SDK1: variants seen among roughly 807,000 people sequenced by gnomAD.
SDK1 encodes sidekick cell adhesion molecule 1, also known as protein sidekick-1.
A neutral mutation model predicts 245.5 loss-of-function variants in SDK1; 157 were observed. The observed-to-expected ratio is 0.64, with a 90% CI of 0.56 to 0.73. SDK1 has a LOEUF of 0.73. Ranked by LOEUF, SDK1 falls within the 30% of genes least tolerant of loss-of-function variation. The pLI, the probability that SDK1 is intolerant of heterozygous loss-of-function variation, is 0.00. For missense variants in SDK1, 3,583 were observed against 3,002.3 expected (o/e 1.19, Z -4.52); for synonymous variants, 1,647 against 1,278.5 (o/e 1.29, Z -6.15).
chr7:3,705,784 TC>T lies in SDK1; in HGVS notation c.713+63681del, dbSNP rs1261268111. On this transcript the variant is annotated intron_variant, in intron 4 of 44. Coordinates refer to ENST00000404826, the MANE Select transcript of SDK1 (RefSeq NM_152744.4). ...TTGCCTGATTCCTCTGGCTAGGACTTCCAGTACTGTGTTGAATAGAAGTGGT... is the reference window on the plus strand; with the variant it reads ...TTGCCTGATTCCTCTGGCTAGGACTTCAGTACTGTGTTGAATAGAAGTGGT... 7.9e-5 allele frequency among the ~76,000 whole-genome samples: 12 copies of T among 152,236 alleles called. 1 individual carries two copies. The South Asian group carries it at 1.9e-3, about 24-fold the overall frequency.
intron 5 of SDK1, among the ~76,000 whole-genome samples, chr7:3,912,740 G>C (rs1215267313): frequency 1.3e-5 from 2 of 152,224 alleles, no homozygotes; most frequent in South Asian, 4.1e-4. Context: ...TCTGGCCCGT[G>C]GGGGCTCAAG....
At chr7:3,306,556 A>T (rs772689417) in intron 1 of SDK1, among the ~76,000 whole-genome samples, 1 of 152,190 alleles carries the variant, frequency 6.6e-6, no homozygotes, top group African/African-American at 2.4e-5. Flanking sequence ...CATTTTATGT[A>T]AACAGTTAAG....
intron 42 of SDK1, among the ~76,000 whole-genome samples, chr7:4,238,840 G>T (rs151055842): frequency 6.6e-6 from 1 of 151,304 alleles, no homozygotes; most frequent in Non-Finnish European, 1.5e-5. Context: ...GAGCCACCGC[G>T]CCCTGCCGAG....
intron 5 of SDK1, among the ~76,000 whole-genome samples, chr7:3,858,693 G>T (rs1188761181): frequency 2.0e-5 from 3 of 151,636 alleles, no homozygotes; most frequent in Non-Finnish European, 2.9e-5. Context: ...AGCTTTAAAA[G>T]TAAGCAAAAA....
At chr7:4,045,361 G>C (rs548140175) in intron 17 of SDK1, among the ~76,000 whole-genome samples, 4 of 152,164 alleles carry the variant, frequency 2.6e-5, no homozygotes, top group African/African-American at 9.6e-5. Context: ...CCCCATCTCA[G>C]CCTCCCAAGT....
chr7:3,306,558 A>G (rs35754502), intron 1 of SDK1, among the ~76,000 whole-genome samples: 1 of 152,286 alleles, frequency 6.6e-6, no homozygotes, highest in South Asian at 2.1e-4. Context: ...TTTTATGTAA[A>G]CAGTTAAGTT....
At chr7:3,861,122 A>AC (rs58079288) in intron 5 of SDK1, among the ~76,000 whole-genome samples, 2,644 of 152,306 alleles carry the variant, frequency 0.017, 72 homozygotes, top group African/African-American at 0.061. Flanking sequence ...ATAGTTGCAC[A>AC]TGATCACAGG....
At chr7:3,474,336 C>T (rs1173549256) in intron 1 of SDK1, among the ~76,000 whole-genome samples, 3 of 151,670 alleles carry the variant, frequency 2.0e-5, no homozygotes, top group South Asian at 2.1e-4. Context: ...CCTCGTTGTC[C>T]GCCTGCCTCA....
intron 22 of SDK1, among the ~76,000 whole-genome samples, chr7:4,107,198 A>T (rs1035671861): frequency 2.7e-5 from 4 of 150,382 alleles, no homozygotes; most frequent in African/African-American, 9.7e-5. Flanking sequence ...GGAGACCTGG[A>T]GTCGCTTAGC....
intron 8 of SDK1, among the ~76,000 whole-genome samples, chr7:3,961,598 A>G (rs1486805018): frequency 5.3e-5 from 8 of 152,188 alleles, no homozygotes; most frequent in South Asian, 2.1e-4. Flanking sequence ...TGTATCCACA[A>G]TGGAATACCT....
intron 4 of SDK1, among the ~76,000 whole-genome samples, chr7:3,680,302 C>A (rs1784059968): frequency 6.6e-6 from 1 of 152,078 alleles, no homozygotes; most frequent in African/African-American, 2.4e-5. Context: ...CGTAGGAGAG[C>A]TTGAGAGGGG....
chr7:3,699,813 T>C (rs1348035933), intron 4 of SDK1, among the ~76,000 whole-genome samples: 1 of 152,176 alleles, frequency 6.6e-6, no homozygotes, highest in East Asian at 1.9e-4. Context: ...TGGTTAAAGA[T>C]TTCCTGAATA....
chr7:3,430,197 G>C (rs373672270), intron 1 of SDK1, among the ~76,000 whole-genome samples: 1 of 152,152 alleles, frequency 6.6e-6, no homozygotes, highest in Non-Finnish European at 1.5e-5. Context: ...CCGTTTCAGC[G>C]AGTCACTTCT....
intron 1 of SDK1, among the ~76,000 whole-genome samples, chr7:3,338,824 T>C (rs1190567357): frequency 6.6e-6 from 1 of 152,174 alleles, no homozygotes; most frequent in Non-Finnish European, 1.5e-5. Flanking sequence ...GCAGCCATTA[T>C]GAAAACTGGT....
chr7:4,053,044 G>C (rs1778974985), intron 19 of SDK1, among the ~76,000 whole-genome samples: 2 of 144,490 alleles, frequency 1.4e-5, no homozygotes, highest in South Asian at 4.4e-4. Context: ...CCGTGATCAT[G>C]CCACTGCACT....
At chr7:3,658,018 C>G (rs936520124) in intron 4 of SDK1, among the ~76,000 whole-genome samples, 2 of 152,186 alleles carry the variant, frequency 1.3e-5, no homozygotes, top group South Asian at 2.1e-4. Flanking sequence ...GGGTCCTGCA[C>G]AGGCCTTGGG....
chr7:3,641,180 A>G (rs1316815279), intron 3 of SDK1, among the ~76,000 whole-genome samples: 2 of 152,156 alleles, frequency 1.3e-5, no homozygotes, highest in African/African-American at 2.4e-5. Flanking sequence ...TCTGTGGACT[A>G]TTTCAAACTT....
At chr7:3,517,103 T>C (rs1479732421) in intron 1 of SDK1, among the ~76,000 whole-genome samples, 1 of 152,178 alleles carries the variant, frequency 6.6e-6, no homozygotes, top group Non-Finnish European at 1.5e-5. Context: ...AAATCATTAC[T>C]GAACCTAGTT....
intron 1 of SDK1, among the ~76,000 whole-genome samples, chr7:3,486,817 G>T (rs923655467): frequency 2.6e-5 from 4 of 152,016 alleles, no homozygotes; most frequent in Non-Finnish European, 5.9e-5. Flanking sequence ...CTAAAACTTA[G>T]ATAATTTTTG....
Sources: gnomAD v4.1 joint callset for allele counts (sites outside exome capture counted in the v4.1 genomes callset) on GRCh38, gnomAD v4.1.1 for gene constraint, MANE v1.5 for transcripts, NCBI Gene and HGNC (gene_info 2026-07-23, HGNC 2026-07-21) for gene names.